Variants in AGT observed in about 807,000 individuals in gnomAD.
AGT encodes alpha-1 antiproteinase, antitrypsin.
A neutral mutation model predicts 28.1 loss-of-function variants in AGT; 26 were observed. The observed-to-expected ratio is 0.92, with a 90% CI of 0.68 to 1.28. The LOEUF (loss-of-function observed/expected upper bound fraction) is 1.28, where lower values mean the gene tolerates loss of function less well. Ranked by LOEUF, AGT falls within the 50% of genes most tolerant of loss-of-function variation. AGT has a pLI of 0.00. For missense variants in AGT, 596 were observed against 592.3 expected (o/e 1.01, Z -0.06); for synonymous variants, 259 against 259.6 (o/e 1.00, Z 0.02).
intron 1 of AGT, among the ~76,000 whole-genome samples, chr1:230,741,277 A>T (rs1271001697): frequency 6.6e-6 from 1 of 152,214 alleles, no homozygotes; most frequent in Admixed American, 6.5e-5. Context: ...TAGGCCTTGG[A>T]GGAAACTATA....
chr1:230,719,709 T>C (rs1032750150), intron 1 of AGT, among the ~76,000 whole-genome samples: 2 of 152,192 alleles, frequency 1.3e-5, no homozygotes, highest in African/African-American at 4.8e-5. Context: ...ACCTGGCTAA[T>C]TGCAGCACAT....
chr1:230,703,651 G>T (rs1179398148), intron 4 of AGT, among the ~76,000 whole-genome samples: 7 of 152,182 alleles, frequency 4.6e-5, no homozygotes, highest in Non-Finnish European at 1.0e-4. Flanking sequence ...CTTGGCCATG[G>T]CCCACCAGTG....
intron 1 of AGT, among the ~76,000 whole-genome samples, chr1:230,724,297 A>C (rs7516335): frequency 0.014 from 2,064 of 152,358 alleles, 53 homozygotes; most frequent in African/African-American, 0.046. Context: ...GGAGTTAGCT[A>C]TAGACTTATA....
At chr1:230,704,498 G>T (rs971411596) in intron 3 of AGT, among the ~76,000 whole-genome samples, 161 bp from the exon 4 acceptor site, 3 of 152,202 alleles carry the variant, frequency 2.0e-5, no homozygotes, top group Non-Finnish European at 4.4e-5. Flanking sequence ...GAAAATTTCA[G>T]CAAAACCTAC....
chr1:230,708,262 G>A (rs563495609), intron 2 of AGT, among the ~76,000 whole-genome samples: 25 of 152,270 alleles, frequency 1.6e-4, no homozygotes, highest in African/African-American at 5.8e-4. Flanking sequence ...CTGGCTCTGC[G>A]GTCTGGGTCA....
chr1:230,732,359 T>G (rs998516753), intron 1 of AGT, among the ~76,000 whole-genome samples: 1 of 151,976 alleles, frequency 6.6e-6, no homozygotes, highest in Non-Finnish European at 1.5e-5. Flanking sequence ...CATAGAACAG[T>G]GTCTGGCCAG....
At chr1:230,739,728 G>C (rs182016685) in intron 1 of AGT, among the ~76,000 whole-genome samples, 3 of 152,172 alleles carry the variant, frequency 2.0e-5, no homozygotes, top group East Asian at 1.9e-4. Flanking sequence ...AGATCCCAGA[G>C]AGCCAGAGGT....
At chr1:230,731,040 T>C (rs1664044067) in intron 1 of AGT, among the ~76,000 whole-genome samples, 1 of 152,214 alleles carries the variant, frequency 6.6e-6, no homozygotes, top group African/African-American at 2.4e-5. Context: ...ATCAATGTTA[T>C]TTCTGGAAAC....
intron 1 of AGT, among the ~76,000 whole-genome samples, chr1:230,735,364 G>A (rs910664452): frequency 2.0e-5 from 3 of 152,072 alleles, no homozygotes; most frequent in Admixed American, 1.3e-4. Flanking sequence ...CCTCAAGAAG[G>A]GTCATCAACT....
rs146566988 is a variant in AGT at position 230,710,186 on chromosome 1, G to T, written c.638C>A (p.Pro213Gln). 3.1e-6 allele frequency: 5 copies of T among 1,613,882 alleles called. No homozygotes were observed. In the African/African-American group the frequency reaches 5.3e-5, roughly 17 times the overall value. The stretch of plus-strand genomic sequence containing the variant: ...ATAGAGAGCCAGGCCCTGCACAAAC[G>T]GCTGCTTCAGGTGCAGGCCTGGGGC... ...FTAPGLHLKQ[P>Q]FVQGLALYTP... The change falls in exon 2 of 5, where the codon CCG (proline) becomes CAG (glutamine). Residue 213 changes from proline (P) to glutamine (Q), a missense_variant. Pro to Gln is a moderately conservative substitution (Grantham distance 76). Transcript: ENST00000366667.
intron 1 of AGT, among the ~76,000 whole-genome samples, chr1:230,739,927 C>G (rs1049169013): frequency 3.9e-5 from 6 of 152,212 alleles, no homozygotes; most frequent in Admixed American, 2.6e-4. Context: ...GTCTATAGAT[C>G]GAAAGCAAGT....
chr1:230,740,462 C>G (rs1664228134), intron 1 of AGT, among the ~76,000 whole-genome samples: 1 of 152,174 alleles, frequency 6.6e-6, no homozygotes, highest in Non-Finnish European at 1.5e-5. Context: ...CTGGCTCAAA[C>G]ACCTCTGACA....
chr1:230,712,290 C>T (rs953798425), intron 1 of AGT, among the ~76,000 whole-genome samples: 8 of 152,118 alleles, frequency 5.3e-5, no homozygotes, highest in African/African-American at 1.9e-4. Context: ...CTTCCCTCAC[C>T]CAGACCCGTA....
intron 1 of AGT, among the ~76,000 whole-genome samples, chr1:230,741,320 C>G (rs867890662): frequency 6.6e-6 from 1 of 152,224 alleles, no homozygotes; most frequent in African/African-American, 2.4e-5. Context: ...AAGGCCAGAG[C>G]TGAGAGAAGC....
At chr1:230,713,952 G>A (rs1663668012) in intron 1 of AGT, 134 bp downstream of exon 1, 1 of 152,280 alleles carries the variant, frequency 6.6e-6, no homozygotes, top group Non-Finnish European at 1.5e-5. Context: ...GCGTCCGGAT[G>A]ACTGGTCTTA....
intron 1 of AGT, among the ~76,000 whole-genome samples, chr1:230,712,817 T>C (rs1034728946): frequency 6.6e-6 from 1 of 152,158 alleles, no homozygotes; most frequent in African/African-American, 2.4e-5. Flanking sequence ...GGAGTAATGG[T>C]GCTCTGGGGT....
intron 3 of AGT, 107 bp downstream of exon 3, chr1:230,705,826 G>T: frequency 6.8e-7 from 1 of 1,474,716 alleles, no homozygotes; most frequent in Non-Finnish European, 9.4e-7. Flanking sequence ...GCCCTGCCCT[G>T]CTCTGCACCC....
At chr1:230,737,271 C>A (rs568492897) in intron 1 of AGT, among the ~76,000 whole-genome samples, 1 of 152,140 alleles carries the variant, frequency 6.6e-6, no homozygotes, top group Admixed American at 6.5e-5. Flanking sequence ...AAGTGCCATG[C>A]GTAGGTGACT....
intron 1 of AGT, among the ~76,000 whole-genome samples, chr1:230,731,601 C>G (rs938101405): frequency 6.6e-6 from 1 of 152,192 alleles, no homozygotes. Flanking sequence ...CACGATGGCT[C>G]ACGTCTGTAA....
Sources: gnomAD v4.1 joint callset for allele counts (sites outside exome capture counted in the v4.1 genomes callset) on GRCh38, gnomAD v4.1.1 for gene constraint, MANE v1.5 for transcripts, NCBI Gene and HGNC (gene_info 2026-07-23, HGNC 2026-07-21) for gene names.